RNF44: variants seen among roughly 807,000 people sequenced by gnomAD.
The protein encoded by RNF44 is ring finger protein 44.
In RNF44, 25 loss-of-function variants were observed where a neutral mutation model predicts 53.6. The ratio of observed to expected loss-of-function variants is 0.47; its 90% CI spans 0.34 to 0.65. RNF44 has a LOEUF of 0.65. RNF44 is among the 30% of genes least tolerant of loss of function. The probability of loss-of-function intolerance (pLI) is 0.01; values close to 1 mark genes in which losing one functional copy is unlikely to be tolerated. For missense variants in RNF44, 581 were observed against 595.5 expected (o/e 0.98, Z 0.25); for synonymous variants, 282 against 252.2 (o/e 1.12, Z -1.12).
In RNF44 at chr5:176,526,798, A is replaced by G. The variant is rs1756065372; in HGVS notation, c.*2230T>C. On this transcript the variant is annotated 3_prime_UTR_variant, in exon 11 of 11. Coordinates refer to ENST00000274811, the MANE Select transcript of RNF44 (RefSeq NM_014901.5). ...AAATAATGATTGCACTACTTGGTCA[A>G]GCAGAACTAGCAACTTTCATTTTAA... 1 of 152,570 alleles carries G rather than the reference A, an allele frequency of 6.6e-6. No homozygotes were observed. The highest frequency in any genetic ancestry group is 1.5e-5 in the Non-Finnish European group (1 of 68,038). 9.5% of individuals were successfully genotyped at this position (152,570 alleles called of 1,614,324 possible).
In RNF44 at chr5:176,532,059, C is replaced by T. The variant is rs776798953; in HGVS notation, c.242G>A (p.Arg81Gln). The change falls in exon 3 of 11, where the codon CGA (arginine) becomes CAA (glutamine). Residue 81 changes from arginine to glutamine, a missense_variant. Coordinates refer to ENST00000274811, the MANE Select transcript of RNF44 (RefSeq NM_014901.5). ...CTGCTGGGTGGCTGGGTGCAGCATT[C>T]GGGGGCTCCCGCCGGCAGGAGCCGA... ...RASAPAGGSP[R>Q]MLHPATQQSP... The T allele has an allele frequency of 9.3e-6, 15 of 1,608,770 alleles. No homozygotes were observed. Among genetic ancestry groups the T allele is most frequent in the African/African-American group, 2.7e-5 (2 of 74,678 alleles).
chr5:176,541,479 G>A (rs1231889122), upstream of RNF44, among the ~76,000 whole-genome samples: 1 of 152,190 alleles, frequency 6.6e-6, no homozygotes, highest in Non-Finnish European at 1.5e-5. Flanking sequence ...GAACACAGAG[G>A]CTCAGGGACT....
chr5:176,536,315 C>T (rs1757166947), intron 1 of RNF44: 1 of 152,308 alleles, frequency 6.6e-6, no homozygotes, highest in Non-Finnish European at 1.5e-5. Flanking sequence ...GGGTGGAAAT[C>T]TTTCCTTCCC....
Position 176,531,490 on chromosome 5 carries a change from A to T in RNF44, c.438T>A (p.His146Gln), listed in dbSNP as rs771769442. 3 of 1,581,894 alleles carry T rather than the reference A, an allele frequency of 1.9e-6. No homozygotes were observed. The highest frequency in any genetic ancestry group is 2.6e-6 in the Non-Finnish European group (3 of 1,164,532). The change falls in exon 4 of 11, where the codon CAT becomes CAA. Residue 146 changes from histidine to glutamine, a missense_variant. His to Gln is a conservative substitution (Grantham distance 24). Around this residue, in one of 3 missense-constraint regions of RNF44, gnomAD observed 387 missense variants for 366.0 expected, o/e 1.06. Coordinates refer to ENST00000274811, the MANE Select transcript of RNF44 (RefSeq NM_014901.5). This position sits in a 1 kb window ranked among gnomAD's most constrained non-coding sequence, Gnocchi z 4.2. ...GGGGCGGGAGGCAGCAGAGGGGGTA[A>T]TGCTGCCCACTGAACATCACGGAGC... ...PACSVMFSGQ[H>Q]YPLCCLPPPL...
chr5:176,529,963 G>A (rs1267020412), intron 7 of RNF44, 119 bp downstream of exon 7: 1 of 1,399,288 alleles, frequency 7.1e-7, no homozygotes, highest in Admixed American at 2.7e-5. Context: ...CAGGTTAAGG[G>A]GGGAACGCCA....
intron 2 of RNF44, 41 bp from the exon 3 acceptor site, chr5:176,532,234 C>A: frequency 6.7e-7 from 1 of 1,489,084 alleles, no homozygotes; most frequent in Non-Finnish European, 8.9e-7. Flanking sequence ...CTGAGGGGGG[C>A]CACTCGTGCA....
rs967769075 is a variant in RNF44, at chr5:176,527,464, G to A, written c.*1564C>T. Reference sequence around the variant, plus strand: ...GGGAAGGGAGGGGTTGGAGAGGGTGGTTCTGTGTAAAACACGTGGGTTTTC... The same window carrying A: ...GGGAAGGGAGGGGTTGGAGAGGGTGATTCTGTGTAAAACACGTGGGTTTTC... On this transcript the variant is annotated 3_prime_UTR_variant, in exon 11 of 11. Transcript: ENST00000274811. 1 of 152,510 alleles carries A rather than the reference G, an allele frequency of 6.6e-6. No homozygotes were observed. Among genetic ancestry groups the A allele is most frequent in the African/African-American group, 2.4e-5 (1 of 41,420 alleles). The allele number at this position is 152,510 out of a possible 1,614,324, so 9.4% of individuals were successfully genotyped here. A position where few individuals can be genotyped will look rare whatever the true frequency, so the allele number is the denominator to read the frequency against.
Position 176,530,871 on chromosome 5 carries a change from G to A in RNF44, c.616C>T (p.Leu206=), listed in dbSNP as rs999638405. The A allele has an allele frequency of 6.0e-5, 63 of 1,052,568 alleles. No individual in the cohort carries two copies. Among genetic ancestry groups the A allele is most frequent in the Non-Finnish European group, 7.3e-5 (61 of 831,980 alleles). 65.2% of individuals were successfully genotyped at this position (1,052,568 alleles called of 1,614,324 possible). ...HMAPLGQFVS[L]QTQHPRMPLQ... is the part of the protein sequence containing the mutation. Reference sequence around the variant, plus strand: ...ACCATCCGAGGGTGCTGGGTCTGCAGAGACACAAACTGCCCCAGGGGCGCC... The same window carrying A: ...ACCATCCGAGGGTGCTGGGTCTGCAAAGACACAAACTGCCCCAGGGGCGCC... The change falls in exon 5 of 11, where the codon CTG becomes TTG. Residue 206 remains leucine (L), a synonymous_variant. Coordinates refer to ENST00000274811, the MANE Select transcript of RNF44 (RefSeq NM_014901.5).
rs531767589 is a variant in RNF44, at chr5:176,530,136, G to C, written c.872C>G (p.Pro291Arg). ...RYRLQQPLPP[P>R]PPPPPPPPYY... ...GGGTGGTGGGGGTGGGGGTGGGGGC[G>C]GCGGGGGCAGTGGCTGCTGCAGGCG... Residue 291 changes from proline (P) to arginine (R), a missense_variant, in exon 7 of 11, where the codon CCG becomes CGG. Around this residue, in one of 3 missense-constraint regions of RNF44, gnomAD observed 183 missense variants for 198.6 expected, o/e 0.92. Transcript: ENST00000274811. 8.1e-7 allele frequency: 1 copy of C among 1,233,224 alleles called. No individual in the cohort carries two copies. Among genetic ancestry groups the C allele is most frequent in the East Asian group, 3.3e-5 (1 of 30,550 alleles). 76.4% of individuals were successfully genotyped at this position (1,233,224 alleles called of 1,614,324 possible). A position where few individuals can be genotyped will look rare whatever the true frequency, so the allele number is the denominator to read the frequency against.
rs1301425614 is a variant in RNF44, at chr5:176,526,902, C to A, written c.*2126G>T. On this transcript the variant is annotated 3_prime_UTR_variant, in exon 11 of 11. Coordinates refer to ENST00000274811, the MANE Select transcript of RNF44 (RefSeq NM_014901.5). ...AACATACTAGTTATGTTAAATGCTA[C>A]AAACCAATGTGAATCCCATGGAATG... 1 of 152,358 alleles carries A rather than the reference C, an allele frequency of 6.6e-6. No homozygotes were observed. The highest frequency in any genetic ancestry group is 1.5e-5 in the Non-Finnish European group (1 of 68,002). 9.4% of individuals were successfully genotyped at this position (152,358 alleles called of 1,614,324 possible).
upstream of RNF44, among the ~76,000 whole-genome samples, chr5:176,542,123 A>T (rs1389571177): frequency 1.3e-5 from 2 of 152,128 alleles, no homozygotes; most frequent in Admixed American, 6.5e-5. Flanking sequence ...TCCAGTTTTG[A>T]GACCTTGGGT....
chr5:176,532,762 A>AG lies in RNF44; in HGVS notation c.-44-247_-44-246insC, dbSNP rs1295695293. On this transcript the variant is annotated intron_variant, in intron 1 of 10. Coordinates refer to ENST00000274811, the MANE Select transcript of RNF44 (RefSeq NM_014901.5). ...ACTCCCGTCTCAAAAAAAAAAAAAA[A>AG]AAAAGAAAGAAACTGAGGCACAGAG... is the stretch of plus-strand genomic sequence containing the variant. Among the ~76,000 whole-genome samples, 343 of 149,584 alleles carry AG rather than the reference A, an allele frequency of 2.3e-3. 4 individuals carry two copies. The highest frequency in any genetic ancestry group is 6.9e-3 in the Middle Eastern group (2 of 288).
Position 176,527,292 on chromosome 5 carries a change from G to GT in RNF44, c.*1735dup, listed in dbSNP as rs1337131224. 3 of 152,398 alleles carry GT rather than the reference G, an allele frequency of 2.0e-5. No homozygotes were observed. Among genetic ancestry groups the GT allele is most frequent in the Non-Finnish European group, 4.4e-5 (3 of 68,032 alleles). The allele number at this position is 152,398 out of a possible 1,614,324, so 9.4% of individuals were successfully genotyped here. A position where few individuals can be genotyped will look rare whatever the true frequency, so the allele number is the denominator to read the frequency against. On this transcript the variant is annotated 3_prime_UTR_variant, in exon 11 of 11. Transcript: ENST00000274811. Reference sequence around the variant, plus strand: ...CCTAAGTAATTGTTGTATAAATCTTGTTTTTTAATGATGATCTTTTTAAAT... The same window carrying GT: ...CCTAAGTAATTGTTGTATAAATCTTGTTTTTTTAATGATGATCTTTTTAAAT...
chr5:176,534,482 G>C, intron 1 of RNF44, among the ~76,000 whole-genome samples: 1 of 152,202 alleles, frequency 6.6e-6, no homozygotes. Context: ...AACCAGCCAA[G>C]CAAACAACGG....
intron 8 of RNF44, 34 bp from the exon 9 acceptor site, chr5:176,529,678 C>T (rs1401458136): frequency 1.2e-6 from 2 of 1,612,072 alleles, no homozygotes; most frequent in Admixed American, 3.4e-5. Context: ...TCAGCGGCGC[C>T]CAGGGCTGCA....
intron 2 of RNF44, 63 bp from the exon 3 acceptor site, chr5:176,532,256 G>A: frequency 6.6e-7 from 1 of 1,506,852 alleles, no homozygotes; most frequent in South Asian, 1.3e-5. Flanking sequence ...AGAGCAGGGA[G>A]AGAAGCCAGG....
rs751653848 is a variant in RNF44 at position 176,532,475 on chromosome 5, G to A, written c.-3C>T. 7.0e-6 allele frequency: 11 copies of A among 1,575,886 alleles called. No homozygotes were observed. In the South Asian group the frequency reaches 7.9e-5, roughly 11 times the overall value. On this transcript the variant is annotated 5_prime_UTR_variant, in exon 2 of 11. Transcript: ENST00000274811. ...ACTGCCAGAGCCCATGGTCGCATCGGGGGGGCAGGGGGGTGGAGGGGCTGG... is the reference window on the plus strand; with the variant it reads ...ACTGCCAGAGCCCATGGTCGCATCGAGGGGGCAGGGGGGTGGAGGGGCTGG...
chr5:176,541,491 GTGGA>G (rs1223419645), upstream of RNF44, among the ~76,000 whole-genome samples: 1 of 152,212 alleles, frequency 6.6e-6, no homozygotes, highest in South Asian at 2.1e-4. Context: ...TCAGGGACTA[GTGGA>G]TGGCTCCAGA....
At chr5:176,532,968 A>G (rs1223304962) in intron 1 of RNF44, among the ~76,000 whole-genome samples, 1 of 151,978 alleles carries the variant, frequency 6.6e-6, no homozygotes, top group Non-Finnish European at 1.5e-5. Flanking sequence ...GTGAAATGGG[A>G]CCCAGTCCCC....
Sources: allele counts gnomAD v4.1 joint callset (sites outside exome capture counted in the v4.1 genomes callset), GRCh38; gene constraint gnomAD v4.1.1; regional missense constraint gnomAD v4.1.1; non-coding constraint Gnocchi (gnomAD v3.1); transcripts MANE v1.5; gene names NCBI Gene and HGNC (gene_info 2026-07-23, HGNC 2026-07-21).